The following MAK variants were observed in gnomAD, a reference collection of about 807,000 sequenced individuals.
MAK encodes serine/threonine-protein kinase MAK.
MAK carries 65 observed loss-of-function variants against 82.6 expected under a neutral mutation model. That is an observed-to-expected ratio of 0.79 (90% CI 0.64 to 0.97). MAK has a LOEUF of 0.97. Ranked by LOEUF, MAK falls within the 50% of genes least tolerant of loss-of-function variation. The pLI, the probability that MAK is intolerant of heterozygous loss-of-function variation, is 0.00. For synonymous variants in MAK, 250 were observed against 274.2 expected (o/e 0.91, Z 0.87); for missense variants, 703 against 780.2 (o/e 0.90, Z 1.18).
intron 1 of MAK, among the ~76,000 whole-genome samples, chr6:10,834,421 G>A (rs1023193529): frequency 1.4e-4 from 22 of 152,112 alleles, no homozygotes; most frequent in Non-Finnish European, 3.1e-4. Flanking sequence ...TTTCAGGGTC[G>A]TCTCCAACTT....
chr6:10,820,039 G>A (rs1005556675), intron 2 of MAK, among the ~76,000 whole-genome samples: 2 of 151,916 alleles, frequency 1.3e-5, no homozygotes, highest in South Asian at 4.2e-4. Context: ...GTGAACCCGG[G>A]AGGTGGAGCT....
intron 14 of MAK, among the ~76,000 whole-genome samples, chr6:10,766,530 A>G (rs566358914): frequency 6.6e-6 from 1 of 152,372 alleles, no homozygotes; most frequent in East Asian, 1.9e-4. Context: ...GTCAGGGACA[A>G]TGTGTCTACA....
chr6:10,823,364 C>G (rs1276533262), intron 2 of MAK, among the ~76,000 whole-genome samples: 1 of 152,192 alleles, frequency 6.6e-6, no homozygotes, highest in African/African-American at 2.4e-5. Flanking sequence ...GAAACCCCCA[C>G]TCCCAGCCCC....
intron 13 of MAK, among the ~76,000 whole-genome samples, chr6:10,771,328 A>G (rs1328218325): frequency 3.9e-5 from 6 of 152,290 alleles, no homozygotes; most frequent in African/African-American, 1.4e-4. Context: ...CCAAGAGAAT[A>G]CACACTGAGT....
At chr6:10,792,247 T>C (rs1400822946) in intron 9 of MAK, among the ~76,000 whole-genome samples, 1 of 152,204 alleles carries the variant, frequency 6.6e-6, no homozygotes, top group African/African-American at 2.4e-5. Flanking sequence ...TGTGCCAGCA[T>C]CTTTTACTCT....
rs1772203023 is a variant in MAK at position 10,764,414 on chromosome 6, C to G, written c.*38G>C. 1.2e-6 allele frequency: 2 copies of G among 1,607,822 alleles called. No homozygotes were observed. The highest frequency in any genetic ancestry group is 2.7e-5 in the African/African-American group (2 of 74,904). On this transcript the variant is annotated 3_prime_UTR_variant, in exon 15 of 15. Transcript: ENST00000354489. ...CAGGGTCAAGGAACTTGCACGTACT[C>G]TACGGAGCAATGCTGTAGGGTTTCA...
At chr6:10,784,339 G>C in intron 11 of MAK, 85 bp downstream of exon 11, 1 of 1,470,924 alleles carries the variant, frequency 6.8e-7, no homozygotes, top group Admixed American at 1.7e-5. Flanking sequence ...CTTCACTGCT[G>C]CCCTTTCTTT....
At chr6:10,815,945 T>TATATATATATATATATATATAAAA (rs1171616235) in intron 4 of MAK, among the ~76,000 whole-genome samples, 14 of 116,856 alleles carry the variant, frequency 1.2e-4, no homozygotes, top group African/African-American at 5.3e-4. Flanking sequence ...TATATATATA[T>TATATATATATATATATATATAAAA]ATGTATGTTT....
At chr6:10,811,502 C>T (rs1168940725) in intron 5 of MAK, among the ~76,000 whole-genome samples, 1 of 152,226 alleles carries the variant, frequency 6.6e-6, no homozygotes, top group Admixed American at 6.5e-5. Context: ...CGAACTTCCT[C>T]CTTCAATCCC....
Position 10,770,877 on chromosome 6 carries a change from G to GA in MAK, c.1673-648dup, listed in dbSNP as rs576445712. On this transcript the variant is annotated intron_variant, in intron 13 of 14. Transcript: ENST00000354489. Reference sequence around the variant, plus strand: ...GGAAGTCACTGCTAAGAGCTGAAATGAGGGAGGATGAGGGTCTGAACCACA... The same window carrying GA: ...GGAAGTCACTGCTAAGAGCTGAAATGAAGGGAGGATGAGGGTCTGAACCACA... Among the ~76,000 whole-genome samples, 377 of 152,264 alleles carry GA rather than the reference G, an allele frequency of 2.5e-3. 1 individual carries two copies. The highest frequency in any genetic ancestry group is 8.6e-3 in the African/African-American group (359 of 41,552).
intron 8 of MAK, among the ~76,000 whole-genome samples, chr6:10,799,979 C>T (rs114487653): frequency 0.025 from 3,869 of 151,858 alleles, 149 homozygotes; most frequent in African/African-American, 0.089. Context: ...ATCTGGGAGG[C>T]GGAGGGTGTA....
intron 8 of MAK, chr6:10,798,031 T>A (rs1460063460): frequency 2.3e-6 from 2 of 880,444 alleles, no homozygotes; most frequent in Non-Finnish European, 2.7e-6. Context: ...TCAATATTCC[T>A]AAATTAATGA....
chr6:10,815,918 A>G (rs1311055148), intron 4 of MAK, among the ~76,000 whole-genome samples: 828 of 25,426 alleles, frequency 0.033, 40 homozygotes, highest in African/African-American at 0.059. Flanking sequence ...TACAGTATAT[A>G]TATATATATA....
chr6:10,822,216 A>G (rs1778012045), intron 2 of MAK, among the ~76,000 whole-genome samples: 2 of 151,716 alleles, frequency 1.3e-5, no homozygotes, highest in Admixed American at 6.6e-5. Context: ...CACTTTCAGA[A>G]GCTGAGGCAG....
At chr6:10,802,816 C>T (rs1376855651) in intron 7 of MAK, among the ~76,000 whole-genome samples, 1 of 152,180 alleles carries the variant, frequency 6.6e-6, no homozygotes, top group African/African-American at 2.4e-5. Flanking sequence ...GCTTTAATAT[C>T]TACATTTACT....
chr6:10,833,558 T>C (rs959409365), intron 1 of MAK, among the ~76,000 whole-genome samples: 4 of 151,980 alleles, frequency 2.6e-5, no homozygotes, highest in African/African-American at 9.7e-5. Flanking sequence ...TGAGCCAAGA[T>C]TGCACCACTG....
chr6:10,773,106 C>T lies in MAK; in HGVS notation c.1600G>A (p.Glu534Lys). The T allele has an allele frequency of 6.7e-7, 1 of 1,486,956 alleles. No homozygotes were observed. The highest frequency in any genetic ancestry group is 1.2e-5 in the South Asian group (1 of 80,642). The allele number at this position is 1,486,956 out of a possible 1,614,324, so 92.1% of individuals were successfully genotyped here. Residue 534 changes from glutamate to lysine, a missense_variant and splice_region_variant, in exon 13 of 15, where the codon GAA (glutamate) becomes AAA (lysine). Transcript: ENST00000354489. ...TTTTCGATTGGTTTAATTATGCTTT[C>T]TTCTAAAGAGAAGACAGATGGAAAG... ...ELAFKRSNAE[E>K]SIIKPIEKLS... is the part of the protein sequence containing the mutation.
At chr6:10,788,768 T>C (rs550874761) in intron 10 of MAK, among the ~76,000 whole-genome samples, 2 of 152,158 alleles carry the variant, frequency 1.3e-5, no homozygotes, top group Admixed American at 1.3e-4. Context: ...ATGTTTCAAA[T>C]CTCCCATATA....
At chr6:10,765,570 T>C (rs480250) in intron 14 of MAK, among the ~76,000 whole-genome samples, 118,754 of 151,350 alleles carry the variant, frequency 0.78, 46,685 homozygotes, top group East Asian at 0.93. Context: ...AGTGATTCTC[T>C]TGCCTCAGCC....
Sources: gnomAD v4.1 joint callset for allele counts (sites outside exome capture counted in the v4.1 genomes callset) on GRCh38, gnomAD v4.1.1 for gene constraint, MANE v1.5 for transcripts, NCBI Gene and HGNC (gene_info 2026-07-23, HGNC 2026-07-21) for gene names.